The following ZDHHC11 variants were observed in gnomAD, a reference collection of about 807,000 sequenced individuals.
ZDHHC11 encodes the protein zDHHC palmitoyltransferase 11, also known as palmitoyltransferase ZDHHC11.
In ZDHHC11, 44 loss-of-function variants were observed where a neutral mutation model predicts 51.3. The ratio of observed to expected loss-of-function variants is 0.86; its 90% CI spans 0.67 to 1.10. ZDHHC11 has a LOEUF of 1.10. ZDHHC11 is among the 50% of genes least tolerant of loss of function. The pLI, the probability that ZDHHC11 is intolerant of heterozygous loss-of-function variation, is 0.00. For synonymous variants in ZDHHC11, 163 were observed against 222.0 expected (o/e 0.73, Z 2.36); for missense variants, 400 against 537.7 (o/e 0.74, Z 2.53).
rs146589464 is a variant in ZDHHC11 at position 810,423 on chromosome 5, G to A, written c.1181+4338C>T. On this transcript the variant is annotated intron_variant, in intron 11 of 12. Transcript: ENST00000283441. ...CACGCAGACCAGAATATCCCCCATC[G>A]GTTTGTCTAATATCCACCACTAGAG... Among the ~76,000 whole-genome samples the A allele has an allele frequency of 4.8e-3, 725 of 151,436 alleles. 7 individuals carry two copies. The highest frequency in any genetic ancestry group is 0.033 in the East Asian group (170 of 5,152).
intron 11 of ZDHHC11, among the ~76,000 whole-genome samples, chr5:803,020 C>CAAA (rs70957307): frequency 7.2e-6 from 1 of 138,750 alleles, no homozygotes. Flanking sequence ...GACTCTATCT[C>CAAA]AAAAAAAAAA....
At chr5:799,473 G>A (rs1465565133) in intron 12 of ZDHHC11, among the ~76,000 whole-genome samples, 2 of 151,606 alleles carry the variant, frequency 1.3e-5, no homozygotes, top group African/African-American at 2.4e-5. Flanking sequence ...ACTAAGACAC[G>A]CCTTGTGTCC....
At chr5:852,291 A>G (rs901958195), upstream of ZDHHC11, among the ~76,000 whole-genome samples, 1 of 152,230 alleles carries the variant, frequency 6.6e-6, no homozygotes, top group African/African-American at 2.4e-5. Flanking sequence ...AGCGGCCTTG[A>G]GCCTTGAGCC....
At chr5:843,010 C>T (rs761263319) in intron 4 of ZDHHC11, among the ~76,000 whole-genome samples, 13 of 152,274 alleles carry the variant, frequency 8.5e-5, no homozygotes, top group African/African-American at 2.7e-4. Flanking sequence ...CAGCCACAGG[C>T]CCATTTCCCG....
intron 11 of ZDHHC11, among the ~76,000 whole-genome samples, chr5:807,177 T>C (rs1375587153): frequency 6.6e-6 from 1 of 150,734 alleles, no homozygotes; most frequent in East Asian, 1.9e-4. Flanking sequence ...GGACAGACCT[T>C]GGCAATTTAG....
chr5:839,016 C>T (rs1478435545), intron 5 of ZDHHC11, among the ~76,000 whole-genome samples: 3 of 135,226 alleles, frequency 2.2e-5, no homozygotes, highest in East Asian at 4.0e-4. Flanking sequence ...GGCCCAACCT[C>T]GGCCGATTCT....
At chr5:797,014 T>C (rs1737678009) in intron 12 of ZDHHC11, among the ~76,000 whole-genome samples, 2 of 151,422 alleles carry the variant, frequency 1.3e-5, no homozygotes, top group African/African-American at 4.8e-5. Flanking sequence ...GAGACCTTCC[T>C]GGCTAATACA....
chr5:838,822 T>G (rs1269672367), intron 5 of ZDHHC11, among the ~76,000 whole-genome samples: 1 of 150,252 alleles, frequency 6.7e-6, no homozygotes, highest in African/African-American at 2.5e-5. Context: ...AGGGCCAGCT[T>G]CTCTGCAGCA....
intron 7 of ZDHHC11, among the ~76,000 whole-genome samples, chr5:828,803 T>G (rs1245033271): frequency 6.9e-6 from 1 of 144,766 alleles, no homozygotes; most frequent in African/African-American, 2.6e-5. Flanking sequence ...ATCAAGTATC[T>G]TTTCAGACCA....
chr5:857,745 T>A (rs868212389), intron 1 of ZDHHC11, among the ~76,000 whole-genome samples: 2 of 148,592 alleles, frequency 1.3e-5, no homozygotes, highest in Non-Finnish European at 3.0e-5. Flanking sequence ...CCCCGTCCTG[T>A]CTTTATGACA....
At position 848,713 on chromosome 5, in the gene ZDHHC11, C is replaced by A. The variant is rs1394775971; in HGVS notation, c.223-53G>T. ...AGGGCCTGGTCAGCCTGGCACGAGG[C>A]GTCCCCGTGAGGCCCAAGGGCCCAG... is the stretch of plus-strand genomic sequence containing the variant. On this transcript the variant is annotated intron_variant, in intron 1 of 12. Transcript: ENST00000283441. 10 of 1,608,526 alleles carry A rather than the reference C, an allele frequency of 6.2e-6. No homozygotes were observed. In the East Asian group the frequency reaches 1.3e-4, roughly 22 times the overall value.
chr5:856,492 ACACACACCACC>A (rs1307641355), intron 1 of ZDHHC11, among the ~76,000 whole-genome samples: 2 of 149,690 alleles, frequency 1.3e-5, no homozygotes, highest in East Asian at 2.0e-4. Context: ...ACAATCCACA[ACACACACCACC>A]CACACACCAC....
intron 11 of ZDHHC11, among the ~76,000 whole-genome samples, chr5:802,168 C>T (rs747175142): frequency 6.6e-5 from 10 of 151,234 alleles, no homozygotes; most frequent in East Asian, 1.9e-4. Flanking sequence ...GTAGGCTGAG[C>T]GGCCAGGCAG....
chr5:856,456 ACAC>A, intron 1 of ZDHHC11, among the ~76,000 whole-genome samples: 1 of 151,308 alleles, frequency 6.6e-6, no homozygotes, highest in African/African-American at 2.4e-5. Context: ...ATTACACACC[ACAC>A]CACACGAAAC....
intron 3 of ZDHHC11, among the ~76,000 whole-genome samples, chr5:846,915 C>T (rs1561299672): frequency 3.3e-5 from 5 of 151,522 alleles, no homozygotes; most frequent in South Asian, 2.1e-4. Context: ...GCGCCTCCAC[C>T]GTGCTCAGGG....
In ZDHHC11 at chr5:850,898, G is replaced by T; in HGVS notation, c.-296C>A. The T allele has an allele frequency of 2.2e-6, 1 of 451,512 alleles. No individual in the cohort carries two copies. 28.0% of individuals were successfully genotyped at this position (451,512 alleles called of 1,614,324 possible). A position where few individuals can be genotyped will look rare whatever the true frequency, so the allele number is the denominator to read the frequency against. ...GGTGTGGAGGACCCAGTGCCCGCGC[G>T]ACCGCCCATCAGTTCCCCTGAGGAT... is the stretch of plus-strand genomic sequence containing the variant. On this transcript the variant is annotated 5_prime_UTR_variant, in exon 1 of 13. Transcript: ENST00000283441.
chr5:820,966 C>T lies in ZDHHC11; in HGVS notation c.1058+895G>A, dbSNP rs3734153. On this transcript the variant is annotated intron_variant, in intron 9 of 12. Coordinates refer to ENST00000283441, the MANE Select transcript of ZDHHC11 (RefSeq NM_024786.3). ...GAAACACAGTGAACCAGAAAAGGGGCCTTTCAATTTGATGGGGAAAGGTGC... is the reference window on the plus strand; with the variant it reads ...GAAACACAGTGAACCAGAAAAGGGGTCTTTCAATTTGATGGGGAAAGGTGC... 1.9e-3 allele frequency among the ~76,000 whole-genome samples: 291 copies of T among 151,034 alleles called. No individual in the cohort carries two copies. The East Asian group carries it at 0.052, about 27-fold the overall frequency.
At chr5:801,936 A>G (rs1453801327) in intron 11 of ZDHHC11, among the ~76,000 whole-genome samples, 1 of 151,542 alleles carries the variant, frequency 6.6e-6, no homozygotes, top group East Asian at 1.9e-4. Flanking sequence ...ATGTATCCAT[A>G]AATGAGTAAG....
At position 796,011 on chromosome 5, in the gene ZDHHC11, C is replaced by T. The variant is rs1333141263; in HGVS notation, c.*577G>A. 6.4e-6 allele frequency: 1 copy of T among 155,430 alleles called. No individual in the cohort carries two copies. Among genetic ancestry groups the T allele is most frequent in the African/African-American group, 2.4e-5 (1 of 41,350 alleles). 9.6% of individuals were successfully genotyped at this position (155,430 alleles called of 1,614,324 possible). On this transcript the variant is annotated 3_prime_UTR_variant, in exon 13 of 13. Transcript: ENST00000283441. The stretch of plus-strand genomic sequence containing the variant: ...ATTTCTCAGTAGTGTACTCCCATTT[C>T]TCAGTACTGTGCTCCCACTTCTCAG...
Sources: allele counts gnomAD v4.1 joint callset (sites outside exome capture counted in the v4.1 genomes callset), GRCh38; gene constraint gnomAD v4.1.1; transcripts MANE v1.5; gene names NCBI Gene and HGNC (gene_info 2026-07-23, HGNC 2026-07-21).